Variants in HTR2A observed in about 807,000 individuals in gnomAD.
HTR2A encodes 5-HT2 receptor.
A neutral mutation model predicts 31.0 loss-of-function variants in HTR2A; 14 were observed. That is an observed-to-expected ratio of 0.45 (90% CI 0.30 to 0.71). The LOEUF is 0.71. HTR2A is among the 30% of genes least tolerant of loss of function. The pLI is 0.09. For missense variants in HTR2A, 442 were observed against 573.3 expected (o/e 0.77, Z 2.34); for synonymous variants, 209 against 225.2 (o/e 0.93, Z 0.64).
At position 46,879,108 on chromosome 13, in the gene HTR2A, G is replaced by A. The variant is rs865942250; in HGVS notation, c.613+13282C>T. Among the ~76,000 whole-genome samples the A allele has an allele frequency of 3.7e-4, 56 of 152,294 alleles. 1 individual carries two copies. Among genetic ancestry groups the A allele is most frequent in the African/African-American group, 1.2e-3 (50 of 41,558 alleles). ...TATACACATGGATGGGAATTAAGGG[G>A]CATTCTCCAAGGGCTGAAATCTGAG... On this transcript the variant is annotated intron_variant, in intron 3 of 3. Transcript: ENST00000542664.
chr13:46,864,942 AG>A (rs1172583130), intron 3 of HTR2A, among the ~76,000 whole-genome samples: 1 of 17,312 alleles, frequency 5.8e-5, no homozygotes, highest in Non-Finnish European at 1.7e-4. Context: ...ATTTGTAAAG[AG>A]GTTTTTTTTT....
chr13:46,847,819 T>C (rs180951420), intron 3 of HTR2A, among the ~76,000 whole-genome samples: 2 of 152,214 alleles, frequency 1.3e-5, no homozygotes, highest in Admixed American at 1.3e-4. Context: ...GCCTCTGGGA[T>C]TCGGATAAAA....
At chr13:46,870,545 C>T (rs1950856177) in intron 3 of HTR2A, among the ~76,000 whole-genome samples, 1 of 152,168 alleles carries the variant, frequency 6.6e-6, no homozygotes, top group Admixed American at 6.5e-5. Context: ...AGGATTAAAA[C>T]ATTTCTACTA....
chr13:46,842,414 T>A (rs189654498), intron 3 of HTR2A, among the ~76,000 whole-genome samples: 1 of 152,320 alleles, frequency 6.6e-6, no homozygotes, highest in Admixed American at 6.5e-5. Context: ...ACATGTGACA[T>A]GTCTCATTTC....
chr13:46,873,262 T>G (rs1437523992), intron 3 of HTR2A, among the ~76,000 whole-genome samples: 1 of 151,642 alleles, frequency 6.6e-6, no homozygotes, highest in Non-Finnish European at 1.5e-5. Flanking sequence ...CCACTTTTGT[T>G]TTTTATTCCA....
intron 3 of HTR2A, among the ~76,000 whole-genome samples, chr13:46,890,230 C>G (rs1769635593): frequency 6.6e-6 from 1 of 152,330 alleles, no homozygotes; most frequent in Non-Finnish European, 1.5e-5. Context: ...GTAATCCCAG[C>G]TACTCAGGAG....
intron 3 of HTR2A, among the ~76,000 whole-genome samples, chr13:46,860,819 G>C (rs1042727156): frequency 1.3e-5 from 2 of 152,144 alleles, no homozygotes; most frequent in African/African-American, 4.8e-5. Context: ...TTTGCTAATG[G>C]TTTTACATTG....
intron 3 of HTR2A, among the ~76,000 whole-genome samples, chr13:46,866,877 A>ATTAGC (rs1174802056): frequency 6.6e-6 from 1 of 152,106 alleles, no homozygotes; most frequent in Non-Finnish European, 1.5e-5. Flanking sequence ...AAATACAAAG[A>ATTAGC]TTAGCTGGGT....
chr13:46,863,444 A>G (rs948522854), intron 3 of HTR2A, among the ~76,000 whole-genome samples: 1 of 151,764 alleles, frequency 6.6e-6, no homozygotes, highest in Non-Finnish European at 1.5e-5. Context: ...GCAACATAGC[A>G]GCGCCTCATC....
At chr13:46,847,008 C>G (rs1950648179) in intron 3 of HTR2A, among the ~76,000 whole-genome samples, 1 of 152,218 alleles carries the variant, frequency 6.6e-6, no homozygotes, top group Non-Finnish European at 1.5e-5. Context: ...TCATTTTGCT[C>G]TTTTCCAAAT....
intron 3 of HTR2A, among the ~76,000 whole-genome samples, chr13:46,872,106 A>C (rs756223933): frequency 6.6e-6 from 1 of 152,234 alleles, no homozygotes; most frequent in Non-Finnish European, 1.5e-5. Flanking sequence ...TTGGAATGAA[A>C]ACTACACTTA....
intron 3 of HTR2A, among the ~76,000 whole-genome samples, chr13:46,884,808 A>G (rs1190845399): frequency 6.9e-6 from 1 of 144,450 alleles, no homozygotes; most frequent in Non-Finnish European, 1.5e-5. Context: ...TTGTGTGTGT[A>G]TTTGTGTGTG....
intron 2 of HTR2A, among the ~76,000 whole-genome samples, chr13:46,893,399 G>A (rs574394896): frequency 1.3e-5 from 2 of 152,256 alleles, no homozygotes; most frequent in South Asian, 2.1e-4. Context: ...GCAAGCTCCC[G>A]GGTGATGCTG....
At chr13:46,886,112 G>A (rs1403916745) in intron 3 of HTR2A, among the ~76,000 whole-genome samples, 1 of 152,050 alleles carries the variant, frequency 6.6e-6, no homozygotes, top group Admixed American at 6.5e-5. Context: ...TTTTTGACTT[G>A]CTTTTAAAGA....
rs776731478 is a variant in HTR2A, at chr13:46,895,279, CAA to C, written c.412+214_412+215del. 4.0e-6 allele frequency: 2 copies of C among 503,382 alleles called. No homozygotes were observed. Among genetic ancestry groups the C allele is most frequent in the Non-Finnish European group, 7.0e-6 (2 of 285,942 alleles). The allele number at this position is 503,382 out of a possible 1,614,324, so 31.2% of individuals were successfully genotyped here. A position where few individuals can be genotyped will look rare whatever the true frequency, so the allele number is the denominator to read the frequency against. ...CACAGGATGTACGCGTTTTGAAGCA[CAA>C]AACTCTCCAGTGATCACAGGTCATA... On this transcript the variant is annotated intron_variant, in intron 2 of 3. Coordinates refer to ENST00000542664, the MANE Select transcript of HTR2A (RefSeq NM_000621.5). The surrounding 1 kb of genome is among the most constrained non-coding windows in gnomAD (Gnocchi z 4.4).
At chr13:46,862,617 C>T (rs936036733) in intron 3 of HTR2A, among the ~76,000 whole-genome samples, 1 of 152,164 alleles carries the variant, frequency 6.6e-6, no homozygotes, top group Admixed American at 6.5e-5. Context: ...GCTGGCCACT[C>T]GGGAGATCAC....
chr13:46,856,442 T>C (rs1215163441), intron 3 of HTR2A: 1 of 152,170 alleles, frequency 6.6e-6, no homozygotes, highest in Non-Finnish European at 1.5e-5. Flanking sequence ...AGCAGGGTTT[T>C]GAAGAAGAGC....
At chr13:46,836,654 A>C (rs997568090) in intron 3 of HTR2A, among the ~76,000 whole-genome samples, 3 of 152,180 alleles carry the variant, frequency 2.0e-5, no homozygotes, top group African/African-American at 7.2e-5. Context: ...ACCCAGCTTC[A>C]AAGATTATCA....
At chr13:46,896,634 A>G (rs931180337) in intron 1 of HTR2A, 40 bp downstream of exon 1, 2 of 1,433,740 alleles carry the variant, frequency 1.4e-6, no homozygotes, top group African/African-American at 2.9e-5. Context: ...ACCGGAAAGA[A>G]AATTACACAG....
Sources: allele counts gnomAD v4.1 joint callset (sites outside exome capture counted in the v4.1 genomes callset), GRCh38; gene constraint gnomAD v4.1.1; non-coding constraint Gnocchi (gnomAD v3.1); transcripts MANE v1.5; gene names NCBI Gene and HGNC (gene_info 2026-07-23, HGNC 2026-07-21).